Variants in PAPPA2 observed in about 807,000 individuals in gnomAD.
The protein encoded by PAPPA2 is pappalysin-2.
In PAPPA2, 86 loss-of-function variants were observed where a neutral mutation model predicts 176.4. That is an observed-to-expected ratio of 0.49 (90% CI 0.41 to 0.58). The LOEUF (loss-of-function observed/expected upper bound fraction) is 0.58. PAPPA2 is among the 20% of genes least tolerant of loss of function. The probability of loss-of-function intolerance (pLI) is 0.00; values close to 1 mark genes in which losing one functional copy is unlikely to be tolerated. For missense variants in PAPPA2, 2,073 were observed against 2,256.9 expected (o/e 0.92, Z 1.65); for synonymous variants, 809 against 852.2 (o/e 0.95, Z 0.88).
At chr1:176,603,776 GC>G (rs1654459806) in intron 3 of PAPPA2, among the ~76,000 whole-genome samples, 1 of 152,220 alleles carries the variant, frequency 6.6e-6, no homozygotes, top group Admixed American at 6.5e-5. Flanking sequence ...CTGGATTATT[GC>G]AATAGTCTTT....
At chr1:176,513,143 T>C (rs1329746457) in intron 1 of PAPPA2, among the ~76,000 whole-genome samples, 1 of 149,872 alleles carries the variant, frequency 6.7e-6, no homozygotes, top group Non-Finnish European at 1.5e-5. Flanking sequence ...CCATTCTTTA[T>C]TATACATTTC....
At position 176,839,803 on chromosome 1, in the gene PAPPA2, A is replaced by G. The variant is rs550958796; in HGVS notation, c.5203-370A>G. Among the ~76,000 whole-genome samples the G allele has an allele frequency of 1.6e-3, 250 of 152,272 alleles. 1 individual carries two copies. The highest frequency in any genetic ancestry group is 3.2e-3 in the Non-Finnish European group (219 of 68,024). On this transcript the variant is annotated intron_variant, in intron 21 of 22. Coordinates refer to ENST00000367662, the MANE Select transcript of PAPPA2 (RefSeq NM_020318.3). ...GGGACTTTTGAGGCCAATCCTGCCT[A>G]CTGCACAGGCTTTCTCCCATGCTCA...
chr1:176,482,682 C>T (rs1169830282), intron 1 of PAPPA2, among the ~76,000 whole-genome samples: 2 of 152,166 alleles, frequency 1.3e-5, no homozygotes, highest in East Asian at 3.8e-4. Flanking sequence ...TTTTTGGTGG[C>T]AAGATGACTG....
chr1:176,629,901 A>G (rs1323980088), intron 3 of PAPPA2, among the ~76,000 whole-genome samples: 1 of 152,138 alleles, frequency 6.6e-6, no homozygotes, highest in Non-Finnish European at 1.5e-5. Context: ...GCTTTCTGAA[A>G]AATGTAAGAT....
chr1:176,634,799 GAGATAGAT>G (rs11277807), intron 3 of PAPPA2, among the ~76,000 whole-genome samples: 2,287 of 120,186 alleles, frequency 0.019, 28 homozygotes, highest in East Asian at 0.063. Context: ...TCCAAGGAGA[GAGATAGAT>G]AGATAGATAG....
intron 20 of PAPPA2, among the ~76,000 whole-genome samples, chr1:176,797,711 C>G (rs925797353): frequency 2.6e-5 from 4 of 151,964 alleles, no homozygotes; most frequent in Non-Finnish European, 5.9e-5. Flanking sequence ...CAGGAGCCAG[C>G]CCTTCCCTGT....
intron 3 of PAPPA2, among the ~76,000 whole-genome samples, chr1:176,625,513 AAC>A (rs1329790221): frequency 6.6e-5 from 10 of 152,146 alleles, no homozygotes; most frequent in Non-Finnish European, 1.5e-4. Flanking sequence ...GCCTCTATAA[AAC>A]ACACTCTCTG....
Position 176,789,994 on chromosome 1 carries a change from G to A in PAPPA2, c.4884+17G>A. ...CGTGAAAAGGTAAGGAACATTTTTTGAACTTATTTTCATCAGGCTGTGCTC... is the reference window on the plus strand; with the variant it reads ...CGTGAAAAGGTAAGGAACATTTTTTAAACTTATTTTCATCAGGCTGTGCTC... On this transcript the variant is annotated intron_variant, in intron 18 of 22. Coordinates refer to ENST00000367662, the MANE Select transcript of PAPPA2 (RefSeq NM_020318.3). 6.2e-7 allele frequency: 1 copy of A among 1,611,610 alleles called. No individual in the cohort carries two copies. Among genetic ancestry groups the A allele is most frequent in the Non-Finnish European group, 8.5e-7 (1 of 1,178,302 alleles).
rs753883261 is a variant in PAPPA2 at position 176,791,466 on chromosome 1, A to G, written c.5004A>G (p.Glu1668=). The G allele has an allele frequency of 6.8e-6, 11 of 1,613,856 alleles. No homozygotes were observed. In the South Asian group the frequency reaches 9.9e-5, roughly 15 times the overall value. Residue 1668 remains glutamate (E), a synonymous_variant, in exon 19 of 23, where the codon GAA becomes GAG. Transcript: ENST00000367662. ...SELNSVEYKC[E]QGYGIGAVCS... is the part of the protein sequence containing the mutation. The stretch of plus-strand genomic sequence containing the variant: ...TGAATTCTGTGGAGTACAAATGTGA[A>G]CAAGGATATGGGATTGGTAAGGATA...
intron 3 of PAPPA2, chr1:176,616,792 T>A: frequency 1.1e-6 from 1 of 881,118 alleles, no homozygotes; most frequent in Non-Finnish European, 1.8e-6. Context: ...CGAGGTGTAT[T>A]AATTTAGTTA....
At chr1:176,795,013 G>A (rs940148446) in intron 20 of PAPPA2, among the ~76,000 whole-genome samples, 5 of 152,164 alleles carry the variant, frequency 3.3e-5, no homozygotes, top group South Asian at 2.1e-4. Context: ...CAGCCGAATC[G>A]TCAATGGTGA....
At chr1:176,679,690 G>A (rs1270718825) in intron 4 of PAPPA2, among the ~76,000 whole-genome samples, 2 of 152,024 alleles carry the variant, frequency 1.3e-5, no homozygotes, top group South Asian at 2.1e-4. Flanking sequence ...TGAGCAAGGG[G>A]GAAAAATAAT....
At chr1:176,509,862 A>AC (rs1164279574) in intron 1 of PAPPA2, among the ~76,000 whole-genome samples, 10 of 149,110 alleles carry the variant, frequency 6.7e-5, no homozygotes, top group South Asian at 2.2e-4. Flanking sequence ...AAACAAACAA[A>AC]AAAAAACAAC....
intron 3 of PAPPA2, among the ~76,000 whole-genome samples, chr1:176,655,574 T>G (rs1014802232): frequency 2.6e-5 from 4 of 151,850 alleles, no homozygotes; most frequent in African/African-American, 7.2e-5. Context: ...CACAATAAGA[T>G]GCCATCTTAC....
chr1:176,690,078 A>G (rs1660035711), intron 4 of PAPPA2, 59 bp from the exon 5 acceptor site: 1 of 1,399,002 alleles, frequency 7.1e-7, no homozygotes, highest in African/African-American at 1.4e-5. Flanking sequence ...AAACATAATT[A>G]AGGATTGGAG....
intron 1 of PAPPA2, among the ~76,000 whole-genome samples, chr1:176,464,124 T>C (rs190344751): frequency 8.5e-4 from 129 of 152,326 alleles, no homozygotes; most frequent in African/African-American, 3.0e-3. Flanking sequence ...AGATACATTT[T>C]TGAGGACAAC....
In PAPPA2 at chr1:176,692,312, A is replaced by G; in HGVS notation, c.2618A>G (p.Tyr873Cys). Residue 873 changes from tyrosine to cysteine, a missense_variant, in exon 6 of 23, where the codon TAT becomes TGT. Physicochemically the swap from Tyr to Cys is radical, Grantham distance 194. Transcript: ENST00000367662. ...CTGCCTCCTATTAGTGGAGTTGTAT[A>G]TGACAGGTGAGAGAGGCACTGGCTG... Reference protein sequence around the residue: ...HWLPPISGVVYDRASGSLCGA... With the variant: ...HWLPPISGVVCDRASGSLCGA... 1 of 1,608,320 alleles carries G rather than the reference A, an allele frequency of 6.2e-7. No individual in the cohort carries two copies. Among genetic ancestry groups the G allele is most frequent in the Non-Finnish European group, 8.5e-7 (1 of 1,175,560 alleles).
At chr1:176,505,357 C>T (rs1648198336) in intron 1 of PAPPA2, among the ~76,000 whole-genome samples, 1 of 151,992 alleles carries the variant, frequency 6.6e-6, no homozygotes, top group African/African-American at 2.4e-5. Context: ...GTCCAGATTT[C>T]CCCTCCCATT....
At chr1:176,764,338 G>A (rs1010935976) in intron 14 of PAPPA2, among the ~76,000 whole-genome samples, 1 of 152,200 alleles carries the variant, frequency 6.6e-6, no homozygotes, top group African/African-American at 2.4e-5. Context: ...GTGACAAACA[G>A]CAAACAGACC....
Sources: gnomAD v4.1 joint callset for allele counts (sites outside exome capture counted in the v4.1 genomes callset) on GRCh38, gnomAD v4.1.1 for gene constraint, MANE v1.5 for transcripts, NCBI Gene and HGNC (gene_info 2026-07-23, HGNC 2026-07-21) for gene names.